KIAA0319L: variants seen among roughly 807,000 people sequenced by gnomAD.
The protein encoded by KIAA0319L is dyslexia-associated protein KIAA0319-like protein.
Under a neutral mutation model 120.1 loss-of-function variants are expected in KIAA0319L, and 55 were observed. That is an observed-to-expected ratio of 0.46 (90% CI 0.37 to 0.57). The LOEUF (loss-of-function observed/expected upper bound fraction) is 0.57. Ranked by LOEUF, KIAA0319L falls within the 20% of genes least tolerant of loss-of-function variation. The probability of loss-of-function intolerance (pLI) is 0.00; values close to 1 mark genes in which losing one functional copy is unlikely to be tolerated. For missense variants in KIAA0319L, 1,049 were observed against 1,255.3 expected, an observed-to-expected ratio of 0.84 and a Z score of 2.48; for synonymous variants, 398 against 471.9, an observed-to-expected ratio of 0.84 and a Z score of 2.03.
At chr1:35,468,814 C>T (rs1362123645) in intron 6 of KIAA0319L, among the ~76,000 whole-genome samples, 5 of 152,200 alleles carry the variant, frequency 3.3e-5, no homozygotes, top group African/African-American at 1.2e-4. Context: ...TTATTAAAGG[C>T]ATGGCCTTTA....
At chr1:35,454,142 C>T in intron 11 of KIAA0319L, 1 of 509,272 alleles carries the variant, frequency 2.0e-6, no homozygotes, top group Non-Finnish European at 3.5e-6. Flanking sequence ...AAGGTACCAA[C>T]AACAAGCCAA....
chr1:35,513,063 T>C (rs1180511516), intron 2 of KIAA0319L, among the ~76,000 whole-genome samples: 1 of 151,098 alleles, frequency 6.6e-6, no homozygotes, highest in East Asian at 1.9e-4. Flanking sequence ...GTTAAGTAGT[T>C]GTAACAGAAC....
chr1:35,437,060 C>T lies in KIAA0319L; in HGVS notation c.2963-1979G>A, dbSNP rs1360122831. ...CACACCGAACCTGAGCGGGCTCTCC[C>T]AGCTCCCTTCGGTAGACACTGCCCA... On this transcript the variant is annotated intron_variant, in intron 20 of 20. Transcript: ENST00000325722. The surrounding 1 kb of genome is among the most constrained non-coding windows in gnomAD (Gnocchi z 4.1). 6.6e-6 allele frequency among the ~76,000 whole-genome samples: 1 copy of T among 152,186 alleles called. No individual in the cohort carries two copies. Among genetic ancestry groups the T allele is most frequent in the Admixed American group, 6.5e-5 (1 of 15,274 alleles).
In KIAA0319L at chr1:35,470,971, G is replaced by A. The variant is rs772998673; in HGVS notation, c.1016-11C>T. 3.3e-6 allele frequency: 5 copies of A among 1,525,876 alleles called. No individual in the cohort carries two copies. The highest frequency in any genetic ancestry group is 4.5e-6 in the Non-Finnish European group (5 of 1,099,590). The allele number at this position is 1,525,876 out of a possible 1,614,324, so 94.5% of individuals were successfully genotyped here. On this transcript the variant is annotated splice_polypyrimidine_tract_variant and intron_variant, in intron 5 of 20. Transcript: ENST00000325722. ...AGGTGTAGGTTTCTCCTATAGAAGGGCAGTTACAAAAATCATGAAAACACA... is the reference window on the plus strand; with the variant it reads ...AGGTGTAGGTTTCTCCTATAGAAGGACAGTTACAAAAATCATGAAAACACA...
At chr1:35,499,090 A>C (rs561841572) in intron 3 of KIAA0319L, among the ~76,000 whole-genome samples, 9 of 152,328 alleles carry the variant, frequency 5.9e-5, no homozygotes, top group Admixed American at 3.9e-4. Context: ...AGAAACTAAG[A>C]CCATCCACTA....
At chr1:35,557,059 G>C (rs1648200246) in intron 1 of KIAA0319L, 148 bp downstream of exon 1, 1 of 153,772 alleles carries the variant, frequency 6.5e-6, no homozygotes, top group Non-Finnish European at 1.5e-5. Context: ...TGCAAGGACA[G>C]AAGCAGCTGG....
intron 2 of KIAA0319L, among the ~76,000 whole-genome samples, chr1:35,524,438 CCT>C (rs754070944): frequency 2.0e-5 from 3 of 152,146 alleles, no homozygotes; most frequent in Non-Finnish European, 2.9e-5. Flanking sequence ...ACCCTGGAAG[CCT>C]CTGTTAGAGA....
At chr1:35,521,169 C>T (rs1393357411) in intron 2 of KIAA0319L, among the ~76,000 whole-genome samples, 2 of 151,532 alleles carry the variant, frequency 1.3e-5, no homozygotes, top group African/African-American at 4.9e-5. Context: ...AGTGAAACCC[C>T]GTCTCTACCA....
intron 20 of KIAA0319L, among the ~76,000 whole-genome samples, chr1:35,436,898 ACTT>A (rs1196560254): frequency 6.6e-6 from 1 of 152,006 alleles, no homozygotes; most frequent in Non-Finnish European, 1.5e-5. Flanking sequence ...TTCCAGCTAA[ACTT>A]CTTCAGTTCC....
At chr1:35,543,809 T>C (rs1646882403) in intron 2 of KIAA0319L, among the ~76,000 whole-genome samples, 1 of 151,936 alleles carries the variant, frequency 6.6e-6, no homozygotes. Context: ...TCTGTAGAGG[T>C]TGAGGGTGAT....
At chr1:35,461,242 G>A (rs890534619) in intron 8 of KIAA0319L, among the ~76,000 whole-genome samples, 6 of 152,104 alleles carry the variant, frequency 3.9e-5, no homozygotes, top group South Asian at 2.1e-4. Context: ...TGAGGTGGGC[G>A]GATCCCCTGA....
At chr1:35,436,002 C>T (rs1640760164) in intron 20 of KIAA0319L, among the ~76,000 whole-genome samples, 1 of 152,150 alleles carries the variant, frequency 6.6e-6, no homozygotes, top group East Asian at 1.9e-4. Flanking sequence ...AGCTAACCTC[C>T]CTCCTTTCTA....
chr1:35,540,445 A>C (rs917330234), intron 2 of KIAA0319L, among the ~76,000 whole-genome samples: 6 of 152,226 alleles, frequency 3.9e-5, no homozygotes, highest in African/African-American at 1.4e-4. Flanking sequence ...TCAAGTGCTG[A>C]TGGGCTGGGT....
At chr1:35,443,498 C>T (rs1641377763) in intron 17 of KIAA0319L, among the ~76,000 whole-genome samples, 1 of 151,784 alleles carries the variant, frequency 6.6e-6, no homozygotes, top group African/African-American at 2.4e-5. Flanking sequence ...ATGACGAAAC[C>T]CCATCTCTAC....
rs763773390 is a variant in KIAA0319L, at chr1:35,479,176, T to C, written c.703A>G (p.Thr235Ala). Residue 235 changes from threonine (T) to alanine (A), a missense_variant, in exon 4 of 21, where the codon ACA (threonine) becomes GCA (alanine). Physicochemically the swap from Thr to Ala is moderately conservative, Grantham distance 58. Coordinates refer to ENST00000325722, the MANE Select transcript of KIAA0319L (RefSeq NM_024874.5). ...KAITISSPLT[T>A]DLTAELSGGP... ...CCAGACAGCTCTGCAGTCAGGTCTGTGGTTAGGGGACTGGAAATTGTAATC... is the reference window on the plus strand; with the variant it reads ...CCAGACAGCTCTGCAGTCAGGTCTGCGGTTAGGGGACTGGAAATTGTAATC... The C allele has an allele frequency of 3.1e-6, 5 of 1,613,806 alleles. No homozygotes were observed. Among genetic ancestry groups the C allele is most frequent in the Non-Finnish European group, 3.4e-6 (4 of 1,179,708 alleles).
chr1:35,490,965 G>C (rs576847134), intron 3 of KIAA0319L, among the ~76,000 whole-genome samples: 20 of 152,154 alleles, frequency 1.3e-4, no homozygotes, highest in Non-Finnish European at 2.8e-4. Context: ...CACCATGATT[G>C]TAAGTTTCCT....
At chr1:35,527,716 A>C (rs1646204745) in intron 2 of KIAA0319L, among the ~76,000 whole-genome samples, 1 of 151,580 alleles carries the variant, frequency 6.6e-6, no homozygotes, top group Non-Finnish European at 1.5e-5. Flanking sequence ...TATCTTTTGC[A>C]TTTCTGTGAT....
intron 9 of KIAA0319L, among the ~76,000 whole-genome samples, chr1:35,459,779 A>G (rs1332830677): frequency 1.3e-5 from 2 of 152,186 alleles, no homozygotes; most frequent in Admixed American, 6.5e-5. Context: ...GGATTACTCT[A>G]GAGTCAGCTT....
At chr1:35,480,227 G>C (rs1038501488) in intron 3 of KIAA0319L, among the ~76,000 whole-genome samples, 3 of 152,118 alleles carry the variant, frequency 2.0e-5, no homozygotes, top group African/African-American at 7.2e-5. Context: ...AAAAGTAATA[G>C]AAGATGAGCT....
Sources: gnomAD v4.1 joint callset for allele counts (sites outside exome capture counted in the v4.1 genomes callset) on GRCh38, gnomAD v4.1.1 for gene constraint, Gnocchi (gnomAD v3.1) non-coding constraint, MANE v1.5 for transcripts, NCBI Gene and HGNC (gene_info 2026-07-23, HGNC 2026-07-21) for gene names.